The following TGFA variants were observed in gnomAD, a reference collection of about 807,000 sequenced individuals.
TGFA encodes transforming growth factor alpha, also known as protransforming growth factor alpha.
A neutral mutation model predicts 21.7 loss-of-function variants in TGFA; 12 were observed. The ratio of observed to expected loss-of-function variants is 0.55; its 90% confidence interval spans 0.35 to 0.90. The LOEUF (loss-of-function observed/expected upper bound fraction) is 0.90. Ranked by LOEUF, TGFA falls within the 40% of genes least tolerant of loss-of-function variation. The pLI is 0.01. For synonymous variants in TGFA, 79 were observed against 88.1 expected (o/e 0.90, Z 0.58); for missense variants, 178 against 210.8 (o/e 0.84, Z 0.96).
chr2:70,522,438 T>C (rs1354324457), intron 1 of TGFA, among the ~76,000 whole-genome samples: 3 of 152,176 alleles, frequency 2.0e-5, no homozygotes, highest in Admixed American at 2.0e-4. Context: ...TTATTTTTTA[T>C]TTATTTACTT....
chr2:70,456,989 G>C (rs1217993353), intron 3 of TGFA, among the ~76,000 whole-genome samples: 1 of 152,182 alleles, frequency 6.6e-6, no homozygotes, highest in Non-Finnish European at 1.5e-5. Context: ...TACTCAGCAT[G>C]ACTACCTGGT....
chr2:70,467,729 A>C (rs1373316563), intron 2 of TGFA: 2 of 152,194 alleles, frequency 1.3e-5, no homozygotes, highest in Non-Finnish European at 2.9e-5. Flanking sequence ...ATATCTTGGG[A>C]GATTTTAGAC....
intron 2 of TGFA, among the ~76,000 whole-genome samples, chr2:70,504,302 T>C (rs932566555): frequency 1.3e-5 from 2 of 150,988 alleles, no homozygotes; most frequent in African/African-American, 4.9e-5. Flanking sequence ...CCCAGCTACT[T>C]GGGAGGCTGA....
intron 2 of TGFA, among the ~76,000 whole-genome samples, chr2:70,491,538 T>A (rs1671435803): frequency 6.6e-6 from 1 of 152,168 alleles, no homozygotes; most frequent in South Asian, 2.1e-4. Context: ...ACTTGGTTTT[T>A]AAAAAAGTTC....
chr2:70,462,559 G>A (rs779511676), intron 3 of TGFA, among the ~76,000 whole-genome samples: 21 of 152,216 alleles, frequency 1.4e-4, no homozygotes, highest in Non-Finnish European at 2.6e-4. Context: ...ACACCTGAGT[G>A]AGTCCGAGCT....
Position 70,453,288 on chromosome 2 carries a change from G to A in TGFA, c.405C>T (p.Ala135=). The change falls in exon 5 of 6, where the codon GCC becomes GCT. Residue 135 remains alanine, a synonymous_variant. Coordinates refer to ENST00000295400, the MANE Select transcript of TGFA (RefSeq NM_003236.4). The part of the protein sequence containing the change: ...QVRKHCEWCR[A]LICRHEKPSA... ...TGGGCTTCTCGTGCCGGCAGATGAG[G>A]GCCCGGCACCACTCACAGTGTTTTC... 1 of 1,614,086 alleles carries A rather than the reference G, an allele frequency of 6.2e-7. No homozygotes were observed. Among genetic ancestry groups the A allele is most frequent in the South Asian group, 1.1e-5 (1 of 91,074 alleles).
chr2:70,548,521 G>C (rs938957840), intron 1 of TGFA, among the ~76,000 whole-genome samples: 12 of 152,222 alleles, frequency 7.9e-5, no homozygotes, highest in African/African-American at 2.9e-4. Context: ...ATACTTCAAG[G>C]GTACAAATGC....
At chr2:70,492,870 T>A (rs1671474576) in intron 2 of TGFA, among the ~76,000 whole-genome samples, 1 of 152,172 alleles carries the variant, frequency 6.6e-6, no homozygotes, top group Non-Finnish European at 1.5e-5. Context: ...TATTCCCTGA[T>A]TAAAAAAAAC....
intron 2 of TGFA, among the ~76,000 whole-genome samples, chr2:70,501,049 A>G (rs1553499062): frequency 6.6e-6 from 1 of 150,904 alleles, no homozygotes. Flanking sequence ...ACAGTTTCAG[A>G]TCTTACTTTT....
At chr2:70,477,306 G>A (rs1047862085) in intron 2 of TGFA, among the ~76,000 whole-genome samples, 9 of 152,108 alleles carry the variant, frequency 5.9e-5, no homozygotes, top group Admixed American at 1.3e-4. Flanking sequence ...AGATGACCTC[G>A]GGCTTGGTCT....
chr2:70,459,083 T>C (rs1164648684), intron 3 of TGFA, among the ~76,000 whole-genome samples: 2 of 152,196 alleles, frequency 1.3e-5, no homozygotes, highest in African/African-American at 4.8e-5. Flanking sequence ...AGTCTCAGCG[T>C]ATAGGAAGGT....
chr2:70,483,385 C>T lies in TGFA; in HGVS notation c.95-17649G>A, dbSNP rs564299726. Among the ~76,000 whole-genome samples the T allele has an allele frequency of 1.6e-3, 244 of 152,144 alleles. 1 individual carries two copies. Among genetic ancestry groups the T allele is most frequent in the Non-Finnish European group, 2.7e-3 (184 of 67,990 alleles). ...CTCTGAGCAATTTTTACATTTGCTGCTATTTCTTAAAAATCACCAACAGGG... is the reference window on the plus strand; with the variant it reads ...CTCTGAGCAATTTTTACATTTGCTGTTATTTCTTAAAAATCACCAACAGGG... On this transcript the variant is annotated intron_variant, in intron 2 of 5. Transcript: ENST00000295400.
intron 1 of TGFA, among the ~76,000 whole-genome samples, chr2:70,536,750 T>C (rs413265): frequency 0.46 from 70,612 of 152,050 alleles, 17,116 homozygotes; most frequent in African/African-American, 0.58. Context: ...AAAGAAGAGA[T>C]ATCTAAAATC....
At chr2:70,484,324 A>T (rs1671210456) in intron 2 of TGFA, among the ~76,000 whole-genome samples, 1 of 152,238 alleles carries the variant, frequency 6.6e-6, no homozygotes, top group African/African-American at 2.4e-5. Flanking sequence ...GCCAAACCAC[A>T]TTCTATCCTT....
intron 2 of TGFA, among the ~76,000 whole-genome samples, chr2:70,473,216 G>A (rs868918352): frequency 2.0e-4 from 30 of 152,130 alleles, no homozygotes; most frequent in African/African-American, 6.5e-4. Flanking sequence ...CTTGGGAGGT[G>A]ATGCGTGAAC....
At chr2:70,451,789 AGAGGCCCTGGTTCT>A (rs1670067990) in intron 5 of TGFA, 1 of 700,982 alleles carries the variant, frequency 1.4e-6, no homozygotes, top group Admixed American at 2.0e-5. Flanking sequence ...AGGGGGCTTT[AGAGGCCCTGGTTCT>A]CATCCTCACT....
intron 2 of TGFA, among the ~76,000 whole-genome samples, chr2:70,482,796 G>A (rs1311744052): frequency 1.3e-5 from 2 of 151,854 alleles, no homozygotes; most frequent in Middle Eastern, 3.4e-3. Flanking sequence ...CTCTAAATCT[G>A]ATAAACTTTT....
intron 4 of TGFA, among the ~76,000 whole-genome samples, chr2:70,454,358 G>C (rs1670156281): frequency 6.6e-6 from 1 of 152,250 alleles, no homozygotes. Flanking sequence ...CAGGGCTAAG[G>C]AGGAGGCTCT....
In TGFA at chr2:70,453,335, GAC is replaced by G. The variant is rs1207486471; in HGVS notation, c.366-10_366-9del. The G allele has an allele frequency of 3.1e-6, 5 of 1,612,200 alleles. No homozygotes were observed. The highest frequency in any genetic ancestry group is 3.3e-5 in the Admixed American group (2 of 59,994). On this transcript the variant is annotated splice_polypyrimidine_tract_variant and intron_variant, in intron 4 of 5. Coordinates refer to ENST00000295400, the MANE Select transcript of TGFA (RefSeq NM_003236.4). ...TTTCGGACCTGGCAGCAGCTGCAAA[GAC>G]ACAGAGGACCCAGTCTGGGCAGGAG... is the stretch of plus-strand genomic sequence containing the variant.
Sources: gnomAD v4.1 joint callset for allele counts (sites outside exome capture counted in the v4.1 genomes callset) on GRCh38, gnomAD v4.1.1 for gene constraint, MANE v1.5 for transcripts, NCBI Gene and HGNC (gene_info 2026-07-23, HGNC 2026-07-21) for gene names.